Variants in ADGRA1 observed in about 807,000 individuals in gnomAD.
The protein encoded by ADGRA1 is adhesion G protein-coupled receptor A1.
ADGRA1 carries 12 observed loss-of-function variants against 21.3 expected under a neutral mutation model. The observed-to-expected ratio is 0.56, with a 90% CI of 0.36 to 0.91. The LOEUF is 0.91. Ranked by LOEUF, ADGRA1 falls within the 40% of genes least tolerant of loss-of-function variation. The probability of loss-of-function intolerance (pLI) is 0.01; values close to 1 mark genes in which losing one functional copy is unlikely to be tolerated. For synonymous variants in ADGRA1, 385 were observed against 368.8 expected (o/e 1.04, Z -0.50); for missense variants, 790 against 805.6 (o/e 0.98, Z 0.23).
chr10:133,097,153 A>G, intron 3 of ADGRA1, 52 bp downstream of exon 3: 1 of 1,594,568 alleles, frequency 6.3e-7, no homozygotes. Context: ...ACCTGCTTTT[A>G]CCTTCAAAGG....
chr10:133,091,995 C>T (rs1428573367), intron 2 of ADGRA1, among the ~76,000 whole-genome samples: 1 of 152,170 alleles, frequency 6.6e-6, no homozygotes, highest in Non-Finnish European at 1.5e-5. Flanking sequence ...CTGAAGAGAA[C>T]CAGGATCGGG....
chr10:133,103,259 A>G (rs1174989613), intron 5 of ADGRA1, among the ~76,000 whole-genome samples: 2 of 152,176 alleles, frequency 1.3e-5, no homozygotes, highest in East Asian at 1.9e-4. Flanking sequence ...TATGCCCCGC[A>G]GGGCAGCCAC....
At chr10:133,116,202 G>A (rs1448805008) in intron 5 of ADGRA1, among the ~76,000 whole-genome samples, 1 of 152,150 alleles carries the variant, frequency 6.6e-6, no homozygotes. Flanking sequence ...AGTGTGGATT[G>A]GGTGAAAGAC....
chr10:133,102,759 G>A lies in ADGRA1; in HGVS notation c.318G>A (p.Arg106=). 1 of 1,612,810 alleles carries A rather than the reference G, an allele frequency of 6.2e-7. No homozygotes were observed. The highest frequency in any genetic ancestry group is 8.5e-7 in the Non-Finnish European group (1 of 1,179,874). The change falls in exon 5 of 7, where the codon AGG becomes AGA. Residue 106 remains arginine, a synonymous_variant. Coordinates refer to ENST00000392607, the MANE Select transcript of ADGRA1 (RefSeq NM_001083909.3). ...STMLWIGVTA[R]NIYKQVTKKA... ...TGCTGTGGATAGGAGTGACCGCCAG[G>A]AACATCTACAAGCAGGTGACCAAGA...
At chr10:133,109,828 C>T (rs1026309714) in intron 5 of ADGRA1, among the ~76,000 whole-genome samples, 3 of 152,166 alleles carry the variant, frequency 2.0e-5, no homozygotes, top group Non-Finnish European at 2.9e-5. Flanking sequence ...CTGGATGTGT[C>T]GATGGAAAGC....
chr10:133,128,816 G>C lies in ADGRA1; in HGVS notation c.988G>C (p.Ala330Pro), dbSNP rs566903775. The C allele has an allele frequency of 1.2e-6, 2 of 1,604,756 alleles. No homozygotes were observed. Among genetic ancestry groups the C allele is most frequent in the African/African-American group, 1.3e-5 (1 of 74,602 alleles). ...CCCGCCCCGCAAGGACGCCCACCCC[G>C]CACTTGACGCCAACGGGGCCGCGCT... ...CCPPRKDAHP[A>P]LDANGAALGR... is the part of the protein sequence containing the mutation. Residue 330 changes from alanine (A) to proline (P), a missense_variant, in exon 7 of 7, where the codon GCA (alanine) becomes CCA (proline). Transcript: ENST00000392607.
At chr10:133,105,169 C>T (rs1354932702) in intron 5 of ADGRA1, among the ~76,000 whole-genome samples, 5 of 152,214 alleles carry the variant, frequency 3.3e-5, no homozygotes, top group African/African-American at 1.2e-4. Flanking sequence ...GGCACAGACG[C>T]CTCTCCAGGC....
At chr10:133,092,877 G>GAAGGAAGGAAGGAAAT in intron 2 of ADGRA1, 1 of 1,482,380 alleles carries the variant, frequency 6.7e-7, no homozygotes, top group Non-Finnish European at 9.1e-7. Context: ...AGGAAGGAAG[G>GAAGGAAGGAAGGAAAT]AAATGAAGGG....
In ADGRA1 at chr10:133,130,611, C is replaced by A. The variant is rs1332613442; in HGVS notation, c.*1100C>A. 1 of 152,196 alleles carries A rather than the reference C, an allele frequency of 6.6e-6. No homozygotes were observed. The highest frequency in any genetic ancestry group is 1.9e-4 in the East Asian group (1 of 5,194). The allele number at this position is 152,196 out of a possible 1,614,324, so 9.4% of individuals were successfully genotyped here. A position where few individuals can be genotyped will look rare whatever the true frequency, so the allele number is the denominator to read the frequency against. ...TGAAACTGTGCACAGCTTTCCCTCCCTCCCTCTTCCTCCTTGTCTGTGACA... is the reference window on the plus strand; with the variant it reads ...TGAAACTGTGCACAGCTTTCCCTCCATCCCTCTTCCTCCTTGTCTGTGACA... On this transcript the variant is annotated 3_prime_UTR_variant, in exon 7 of 7. Coordinates refer to ENST00000392607, the MANE Select transcript of ADGRA1 (RefSeq NM_001083909.3).
intron 2 of ADGRA1, among the ~76,000 whole-genome samples, chr10:133,089,421 G>A (rs1021866449): frequency 6.6e-6 from 1 of 152,222 alleles, no homozygotes; most frequent in Admixed American, 6.5e-5. Context: ...GCACGGGAAG[G>A]GTGTTTCAGC....
chr10:133,115,395 C>G (rs1373435601), intron 5 of ADGRA1, among the ~76,000 whole-genome samples: 1 of 152,210 alleles, frequency 6.6e-6, no homozygotes, highest in Non-Finnish European at 1.5e-5. Context: ...ACCGACAAGG[C>G]CTCTGCACCT....
rs1852472260 is a variant in ADGRA1 at position 133,129,623 on chromosome 10, T to TTCATACCCCTGCCCCTTCCTTGTGA, written c.*115_*116insTACCCCTGCCCCTTCCTTGTGATCA. The TTCATACCCCTGCCCCTTCCTTGTGA allele has an allele frequency of 1.4e-6, 1 of 719,650 alleles. No individual in the cohort carries two copies. Among genetic ancestry groups the TTCATACCCCTGCCCCTTCCTTGTGA allele is most frequent in the Non-Finnish European group, 2.1e-6 (1 of 479,152 alleles). 44.6% of individuals were successfully genotyped at this position (719,650 alleles called of 1,614,324 possible). The stretch of plus-strand genomic sequence containing the variant: ...AAGTGACCCCGCCTTTCAGAAGCCG[T>TTCATACCCCTGCCCCTTCCTTGTGA]TCACACCCCTGCCCCTTCCTTGTGA... On this transcript the variant is annotated 3_prime_UTR_variant, in exon 7 of 7. Coordinates refer to ENST00000392607, the MANE Select transcript of ADGRA1 (RefSeq NM_001083909.3).
chr10:133,104,215 G>A (rs541019523), intron 5 of ADGRA1, among the ~76,000 whole-genome samples: 33 of 152,362 alleles, frequency 2.2e-4, no homozygotes, highest in African/African-American at 7.9e-4. Flanking sequence ...ACGCAGACAC[G>A]TTGCCACTTA....
chr10:133,095,781 G>A (rs549459094), intron 2 of ADGRA1: 47 of 1,598,362 alleles, frequency 2.9e-5, no homozygotes, highest in Non-Finnish European at 3.9e-5. Flanking sequence ...CCCGACACAG[G>A]TGACACTGCC....
In ADGRA1 at chr10:133,129,180, C is replaced by T. The variant is rs1852455813; in HGVS notation, c.1352C>T (p.Ser451Leu). ...PSSLDGSPRSSRTDSPPSSLD... is the reference protein window; with the variant it reads ...PSSLDGSPRSLRTDSPPSSLD... ...AGCCTGGATGGCAGCCCCCGCAGCT[C>T]GCGCACAGACAGCCCCCCCAGCTCT... Residue 451 changes from serine to leucine, a missense_variant, in exon 7 of 7, where the codon TCG becomes TTG. By Grantham distance (145) the Ser-to-Leu change is moderately radical. Coordinates refer to ENST00000392607, the MANE Select transcript of ADGRA1 (RefSeq NM_001083909.3). 7 of 1,550,840 alleles carry T rather than the reference C, an allele frequency of 4.5e-6. No homozygotes were observed. The highest frequency in any genetic ancestry group is 1.2e-5 in the South Asian group (1 of 84,124).
chr10:133,098,565 C>A (rs1277882869), intron 3 of ADGRA1, 75 bp from the exon 4 acceptor site: 2 of 1,537,766 alleles, frequency 1.3e-6, no homozygotes, highest in Non-Finnish European at 1.7e-6. Context: ...AGAGCCTGCG[C>A]CCCAGGGGGC....
rs1852515002 is a variant in ADGRA1, at chr10:133,131,007, ACGT to A, written c.*1498_*1500del. 6.6e-6 allele frequency: 1 copy of A among 152,252 alleles called. No individual in the cohort carries two copies. The highest frequency in any genetic ancestry group is 1.5e-5 in the Non-Finnish European group (1 of 68,046). 9.4% of individuals were successfully genotyped at this position (152,252 alleles called of 1,614,324 possible). A position where few individuals can be genotyped will look rare whatever the true frequency, so the allele number is the denominator to read the frequency against. ...CATTGGAGATTGTTTCACCCTGCAA[ACGT>A]CAACGTCAGCAGACTCGTCGGTGCG... On this transcript the variant is annotated 3_prime_UTR_variant, in exon 7 of 7. Coordinates refer to ENST00000392607, the MANE Select transcript of ADGRA1 (RefSeq NM_001083909.3).
Position 133,129,709 on chromosome 10 carries a change from G to GCCCCCTTCCTTGTGATCACACCCCTGC in ADGRA1, c.*202_*203insCTTCCTTGTGATCACACCCCTGCCCCC. On this transcript the variant is annotated 3_prime_UTR_variant, in exon 7 of 7. Coordinates refer to ENST00000392607, the MANE Select transcript of ADGRA1 (RefSeq NM_001083909.3). ...GCCCCTTCCTTGTGATCACACCCCT[G>GCCCCCTTCCTTGTGATCACACCCCTGC]CCCCTTCCTTGTGAAAGACCTCAGC... 3 of 278,462 alleles carry GCCCCCTTCCTTGTGATCACACCCCTGC rather than the reference G, an allele frequency of 1.1e-5. No homozygotes were observed. The South Asian group carries it at 1.7e-4, about 16-fold the overall frequency. 17.2% of individuals were successfully genotyped at this position (278,462 alleles called of 1,614,324 possible).
At chr10:133,114,693 C>T (rs1852124398) in intron 5 of ADGRA1, among the ~76,000 whole-genome samples, 1 of 152,188 alleles carries the variant, frequency 6.6e-6, no homozygotes, top group Non-Finnish European at 1.5e-5. Context: ...AATTCTCAAC[C>T]TCATTTCTCG....
Sources: allele counts gnomAD v4.1 joint callset (sites outside exome capture counted in the v4.1 genomes callset), GRCh38; gene constraint gnomAD v4.1.1; transcripts MANE v1.5; gene names NCBI Gene and HGNC (gene_info 2026-07-23, HGNC 2026-07-21).